The following SLC17A8 variants were observed in gnomAD, a reference collection of about 807,000 sequenced individuals.
SLC17A8 encodes vesicular glutamate transporter 3.
In SLC17A8, 31 loss-of-function variants were observed where a neutral mutation model predicts 58.0. The observed-to-expected ratio is 0.53, with a 90% CI of 0.40 to 0.72. The LOEUF is 0.72. SLC17A8 is among the 30% of genes least tolerant of loss of function. SLC17A8 has a pLI of 0.00. For missense variants in SLC17A8, 655 were observed against 727.8 expected, an observed-to-expected ratio of 0.90 and a Z score of 1.15; for synonymous variants, 228 against 249.0, an observed-to-expected ratio of 0.92 and a Z score of 0.79.
chr12:100,363,749 C>T (rs1479098611), intron 1 of SLC17A8, among the ~76,000 whole-genome samples: 1 of 151,086 alleles, frequency 6.6e-6, no homozygotes, highest in Non-Finnish European at 1.5e-5. Flanking sequence ...CTTTAAGAAG[C>T]TTCTTCAGAG....
At chr12:100,364,280 G>A (rs1337255254) in intron 1 of SLC17A8, among the ~76,000 whole-genome samples, 1 of 152,054 alleles carries the variant, frequency 6.6e-6, no homozygotes, top group Non-Finnish European at 1.5e-5. Context: ...GTCTGAATAG[G>A]CAAACTCATA....
intron 9 of SLC17A8, among the ~76,000 whole-genome samples, chr12:100,409,163 ATG>A (rs2136011552): frequency 6.7e-6 from 1 of 149,310 alleles, no homozygotes; most frequent in South Asian, 2.1e-4. Flanking sequence ...GTATGTATGT[ATG>A]TATGTATGTA....
intron 1 of SLC17A8, among the ~76,000 whole-genome samples, chr12:100,380,206 CA>C (rs10691046): frequency 6.2e-4 from 75 of 120,032 alleles, no homozygotes; most frequent in Non-Finnish European, 7.0e-4. Flanking sequence ...AACTCCGTCT[CA>C]AAAAAAAAAA....
intron 5 of SLC17A8, among the ~76,000 whole-genome samples, chr12:100,398,132 T>A (rs1952765936): frequency 6.6e-6 from 1 of 152,190 alleles, no homozygotes; most frequent in Admixed American, 6.5e-5. Context: ...GCTGGCCTTT[T>A]ACCTCCTTGA....
chr12:100,362,025 T>C (rs1952488306), intron 1 of SLC17A8, among the ~76,000 whole-genome samples: 1 of 152,010 alleles, frequency 6.6e-6, no homozygotes, highest in Admixed American at 6.5e-5. Flanking sequence ...ATGCTCACAA[T>C]GCCCAGTGGC....
At chr12:100,367,471 G>C (rs1050325597) in intron 1 of SLC17A8, among the ~76,000 whole-genome samples, 3 of 152,208 alleles carry the variant, frequency 2.0e-5, no homozygotes, top group African/African-American at 7.2e-5. Flanking sequence ...AGAGGATGTA[G>C]ACCTGGACCA....
chr12:100,361,587 G>A (rs1952485068), intron 1 of SLC17A8, among the ~76,000 whole-genome samples: 1 of 152,202 alleles, frequency 6.6e-6, no homozygotes, highest in South Asian at 2.1e-4. Flanking sequence ...AAAAAGCACA[G>A]CCTGAGACAG....
At chr12:100,371,673 G>C (rs1592989065) in intron 1 of SLC17A8, among the ~76,000 whole-genome samples, 2 of 152,306 alleles carry the variant, frequency 1.3e-5, no homozygotes, top group East Asian at 3.9e-4. Flanking sequence ...TCAGCCTCCT[G>C]AGTAGCTGGG....
chr12:100,395,827 G>A (rs1952749648), intron 4 of SLC17A8, among the ~76,000 whole-genome samples: 1 of 151,690 alleles, frequency 6.6e-6, no homozygotes, highest in African/African-American at 2.4e-5. Context: ...TGGCTAGGCT[G>A]GTCTTGAACT....
chr12:100,390,826 C>T (rs1292154059), intron 2 of SLC17A8, among the ~76,000 whole-genome samples, 175 bp from the exon 3 acceptor site: 1 of 152,050 alleles, frequency 6.6e-6, no homozygotes, highest in African/African-American at 2.4e-5. Flanking sequence ...TACGCCTGGC[C>T]CAGGACTTTT....
intron 9 of SLC17A8, among the ~76,000 whole-genome samples, chr12:100,405,101 A>T (rs574084854): frequency 6.6e-6 from 1 of 152,386 alleles, no homozygotes; most frequent in South Asian, 2.1e-4. Context: ...AGGAGCAGGC[A>T]TGATCTGATC....
intron 1 of SLC17A8, among the ~76,000 whole-genome samples, chr12:100,365,884 T>C (rs1368272616): frequency 1.3e-5 from 2 of 152,138 alleles, no homozygotes; most frequent in Non-Finnish European, 1.5e-5. Context: ...GACTATATTA[T>C]GAGAGAGAAC....
intron 10 of SLC17A8, among the ~76,000 whole-genome samples, chr12:100,416,756 T>G (rs936947767): frequency 6.6e-6 from 1 of 152,212 alleles, no homozygotes; most frequent in African/African-American, 2.4e-5. Context: ...AGAGCATGCA[T>G]GTTGGTTTAC....
intron 1 of SLC17A8, among the ~76,000 whole-genome samples, chr12:100,375,241 G>A (rs548504294): frequency 2.0e-5 from 3 of 151,574 alleles, no homozygotes; most frequent in East Asian, 1.9e-4. Context: ...TCCTGCCTCC[G>A]CCTCCCAAAG....
At chr12:100,390,877 G>A (rs1952710764) in intron 2 of SLC17A8, 124 bp from the exon 3 acceptor site, 4 of 759,496 alleles carry the variant, frequency 5.3e-6, no homozygotes, top group Non-Finnish European at 9.6e-6. Flanking sequence ...CCCTCCATAA[G>A]TATGTGTTAA....
At chr12:100,379,562 A>C in intron 1 of SLC17A8, among the ~76,000 whole-genome samples, 1 of 152,092 alleles carries the variant, frequency 6.6e-6, no homozygotes, top group Non-Finnish European at 1.5e-5. Flanking sequence ...TTTAATATTT[A>C]TGAAAACTTG....
chr12:100,398,542 C>T (rs1952768380), intron 5 of SLC17A8, among the ~76,000 whole-genome samples: 1 of 152,192 alleles, frequency 6.6e-6, no homozygotes, highest in African/African-American at 2.4e-5. Flanking sequence ...GGAAAGTTAC[C>T]TGATCAAGGA....
chr12:100,406,458 G>A (rs1952826443), intron 9 of SLC17A8, among the ~76,000 whole-genome samples: 1 of 152,122 alleles, frequency 6.6e-6, no homozygotes. Flanking sequence ...GGCAGGCCTT[G>A]TCGGCGTATG....
intron 1 of SLC17A8, among the ~76,000 whole-genome samples, chr12:100,363,002 A>C (rs1306458635): frequency 9.2e-5 from 14 of 152,192 alleles, no homozygotes; most frequent in Admixed American, 9.2e-4. Flanking sequence ...GGTGCCAAAC[A>C]TATTTCTTCC....
Sources: allele counts gnomAD v4.1 joint callset (sites outside exome capture counted in the v4.1 genomes callset), GRCh38; gene constraint gnomAD v4.1.1; transcripts MANE v1.5; gene names NCBI Gene and HGNC (gene_info 2026-07-23, HGNC 2026-07-21).